Variants in CNTN3 observed in about 807,000 individuals in gnomAD.
CNTN3 encodes the protein contactin 3.
CNTN3 carries 60 observed loss-of-function variants against 119.1 expected under a neutral mutation model. The ratio of observed to expected loss-of-function variants is 0.50; its 90% confidence interval spans 0.41 to 0.62. The LOEUF (loss-of-function observed/expected upper bound fraction) is 0.62. CNTN3 is among the 20% of genes least tolerant of loss of function. CNTN3 has a pLI of 0.00. For synonymous variants in CNTN3, 450 were observed against 438.7 expected (o/e 1.03, Z -0.32); for missense variants, 1,101 against 1,242.4 (o/e 0.89, Z 1.71).
intron 2 of CNTN3, among the ~76,000 whole-genome samples, chr3:74,514,847 A>G (rs1703425086): frequency 6.6e-6 from 1 of 152,144 alleles, no homozygotes; most frequent in Non-Finnish European, 1.5e-5. Flanking sequence ...ATTGTTTTAC[A>G]TACCTATCTG....
intron 4 of CNTN3, among the ~76,000 whole-genome samples, chr3:74,442,535 T>C (rs1701985186): frequency 2.6e-5 from 4 of 152,164 alleles, no homozygotes; most frequent in Admixed American, 2.6e-4. Flanking sequence ...TTTTCATGCA[T>C]AAAATCAAGT....
intron 4 of CNTN3, among the ~76,000 whole-genome samples, chr3:74,460,642 G>A (rs1193105727): frequency 1.3e-5 from 2 of 151,126 alleles, no homozygotes; most frequent in East Asian, 3.9e-4. Context: ...TGTATCCTGT[G>A]ACCTTGCTGA....
intron 4 of CNTN3, among the ~76,000 whole-genome samples, chr3:74,453,558 C>T (rs1041017968): frequency 6.6e-6 from 1 of 150,866 alleles, no homozygotes; most frequent in Non-Finnish European, 1.5e-5. Context: ...CTTCTGCTAG[C>T]TTTTGAATGT....
chr3:74,512,692 C>CAAAAAAAAAGAAA, intron 2 of CNTN3, among the ~76,000 whole-genome samples: 1 of 85,258 alleles, frequency 1.2e-5, no homozygotes. Context: ...CATAATCAAG[C>CAAAAAAAAAGAAA]AAAAAAAAAA....
At chr3:74,307,376 T>A (rs967741524) in intron 13 of CNTN3, among the ~76,000 whole-genome samples, 2 of 152,214 alleles carry the variant, frequency 1.3e-5, no homozygotes, top group African/African-American at 4.8e-5. Context: ...GTCCATCTAA[T>A]CACACAGGTT....
chr3:74,572,735 T>G (rs1360841095), intron 1 of CNTN3, among the ~76,000 whole-genome samples: 1 of 152,192 alleles, frequency 6.6e-6, no homozygotes, highest in East Asian at 1.9e-4. Flanking sequence ...CTTATAAAAT[T>G]CCACTTTCTA....
At chr3:74,432,378 C>T (rs573741118) in intron 4 of CNTN3, among the ~76,000 whole-genome samples, 16 of 146,986 alleles carry the variant, frequency 1.1e-4, no homozygotes, top group African/African-American at 4.1e-4. Flanking sequence ...TAACAAGAGC[C>T]AATGAGCTAA....
At chr3:74,351,251 A>T (rs973932895) in intron 11 of CNTN3, among the ~76,000 whole-genome samples, 11 of 152,190 alleles carry the variant, frequency 7.2e-5, no homozygotes, top group African/African-American at 2.7e-4. Context: ...GGTCCCACAG[A>T]ATGTGAGAGA....
chr3:74,389,929 A>G (rs1704852105), intron 5 of CNTN3, among the ~76,000 whole-genome samples: 1 of 152,190 alleles, frequency 6.6e-6, no homozygotes, highest in Admixed American at 6.5e-5. Flanking sequence ...GAAATAAATA[A>G]GGGGCTCCTG....
At chr3:74,300,104 A>T (rs1016480067) in intron 16 of CNTN3, among the ~76,000 whole-genome samples, 166 bp from the exon 17 acceptor site, 5 of 152,226 alleles carry the variant, frequency 3.3e-5, no homozygotes, top group African/African-American at 1.2e-4. Context: ...ATGCATTTAT[A>T]TATTTTTATG....
intron 2 of CNTN3, among the ~76,000 whole-genome samples, chr3:74,511,344 A>C (rs1703360292): frequency 1.3e-5 from 2 of 152,084 alleles, no homozygotes; most frequent in Admixed American, 6.6e-5. Flanking sequence ...TTGCAAAATA[A>C]GTTGATTTAT....
chr3:74,512,401 T>C (rs147203368), intron 2 of CNTN3, among the ~76,000 whole-genome samples: 2,799 of 152,058 alleles, frequency 0.018, 89 homozygotes, highest in African/African-American at 0.062. Context: ...TGGAAGGTAG[T>C]AACTTCAAAA....
chr3:74,484,896 A>T (rs1333901096), intron 4 of CNTN3, among the ~76,000 whole-genome samples: 1 of 152,116 alleles, frequency 6.6e-6, no homozygotes, highest in East Asian at 1.9e-4. Flanking sequence ...AAAATGAAAA[A>T]GCATGAAACA....
chr3:74,588,904 T>A (rs569427107), intron 1 of CNTN3, among the ~76,000 whole-genome samples: 1 of 152,284 alleles, frequency 6.6e-6, no homozygotes, highest in African/African-American at 2.4e-5. Context: ...GCTAGCCATA[T>A]GTAGAAAGCT....
intron 1 of CNTN3, among the ~76,000 whole-genome samples, chr3:74,593,842 T>C (rs1449937112): frequency 6.6e-6 from 1 of 151,936 alleles, no homozygotes; most frequent in African/African-American, 2.4e-5. Flanking sequence ...GAAATTCTAA[T>C]AGAAAAGAAA....
rs1704004171 is a variant in CNTN3, at chr3:74,358,698, G to A, written c.1364+3192C>T. 4.0e-5 allele frequency among the ~76,000 whole-genome samples: 6 copies of A among 149,254 alleles called. No homozygotes were observed. In the Admixed American group the frequency reaches 4.0e-4, roughly 10 times the overall value. On this transcript the variant is annotated intron_variant, in intron 11 of 22. Transcript: ENST00000263665. Reference sequence around the variant, plus strand: ...ATATGTATACATGTGACATGCTGGTGCGCTGCACCCACTAACTCGTCATCT... The same window carrying A: ...ATATGTATACATGTGACATGCTGGTACGCTGCACCCACTAACTCGTCATCT...
rs1704278268 is a variant in CNTN3 at position 74,369,346 on chromosome 3, T to A, written c.789A>T (p.Arg263Ser). The A allele has an allele frequency of 6.2e-7, 1 of 1,604,400 alleles. No homozygotes were observed. The highest frequency in any genetic ancestry group is 2.3e-5 in the East Asian group (1 of 44,090). The change falls in exon 8 of 23, where the codon AGA becomes AGT. Residue 263 changes from arginine to serine, a missense_variant. Transcript: ENST00000263665. ...TGCTGGAAAATGGCAGCCCATCACT[T>A]CTTCTCCAATTAATCTGAGGTATGG... ...GNPIPQINWRRSDGLPFSSKI... is the reference protein window; with the variant it reads ...GNPIPQINWRSSDGLPFSSKI...
chr3:74,325,913 A>G (rs1482125966), intron 13 of CNTN3, among the ~76,000 whole-genome samples: 1 of 152,162 alleles, frequency 6.6e-6, no homozygotes, highest in African/African-American at 2.4e-5. Flanking sequence ...TCTGGAAATT[A>G]ATGACGAGGC....
chr3:74,520,250 A>G (rs548664770), intron 2 of CNTN3, among the ~76,000 whole-genome samples: 2 of 151,312 alleles, frequency 1.3e-5, no homozygotes, highest in South Asian at 2.1e-4. Context: ...AAAAAAAGGA[A>G]AAAGCACACA....
Sources: gnomAD v4.1 joint callset for allele counts (sites outside exome capture counted in the v4.1 genomes callset) on GRCh38, gnomAD v4.1.1 for gene constraint, MANE v1.5 for transcripts, NCBI Gene and HGNC (gene_info 2026-07-23, HGNC 2026-07-21) for gene names.